The following CATSPERT variants were observed in gnomAD, a reference collection of about 807,000 sequenced individuals.
The protein encoded by CATSPERT is catsper channel auxiliary subunit tau.
the CATSPERT span, chr2:201,547,610 C>T: frequency 2.1e-6 from 3 of 1,457,878 alleles, no homozygotes; most frequent in Non-Finnish European, 2.8e-6. Flanking sequence ...TCTTTTCCAG[C>T]CTAAAGAAAG....
chr2:201,537,035 C>T, the CATSPERT span, among the ~76,000 whole-genome samples: 8 of 151,866 alleles, frequency 5.3e-5, no homozygotes, highest in African/African-American at 1.9e-4. Context: ...TATGTAAACT[C>T]TATGTTTTGT....
At chr2:201,551,249 T>C in the CATSPERT span, among the ~76,000 whole-genome samples, 1 of 152,212 alleles carries the variant, frequency 6.6e-6, no homozygotes, top group Non-Finnish European at 1.5e-5. Context: ...GTCTATTTTA[T>C]CATTTACTAC....
the CATSPERT span, among the ~76,000 whole-genome samples, chr2:201,605,242 A>G: frequency 6.6e-6 from 1 of 152,136 alleles, no homozygotes; most frequent in Non-Finnish European, 1.5e-5. Context: ...AGACAAAATC[A>G]TCCTGAGAAA....
At chr2:201,544,543 TCACACA>T in the CATSPERT span, among the ~76,000 whole-genome samples, 1 of 150,378 alleles carries the variant, frequency 6.6e-6, no homozygotes, top group Non-Finnish European at 1.5e-5. Context: ...ACTTTCTTTT[TCACACA>T]CACACACACA....
the CATSPERT span, chr2:201,493,063 T>C: frequency 1.3e-6 from 2 of 1,536,044 alleles, no homozygotes; most frequent in Non-Finnish European, 1.7e-6. Context: ...TTCTAATTCT[T>C]TTTCTGGTTG....
the CATSPERT span, among the ~76,000 whole-genome samples, chr2:201,564,080 G>C: frequency 6.6e-6 from 1 of 152,200 alleles, no homozygotes; most frequent in Non-Finnish European, 1.5e-5. Context: ...CCCCAAAAGA[G>C]AATGAGTGTC....
chr2:201,557,406 A>T, the CATSPERT span: 2 of 152,168 alleles, frequency 1.3e-5, no homozygotes, highest in Non-Finnish European at 1.5e-5. Context: ...TGCATTGGAG[A>T]TATCAGATTT....
chr2:201,519,428 A>G, the CATSPERT span, among the ~76,000 whole-genome samples: 2 of 152,226 alleles, frequency 1.3e-5, no homozygotes, highest in African/African-American at 2.4e-5. Flanking sequence ...GATATGTGAA[A>G]TCTACATAGA....
At chr2:201,559,115 C>G in the CATSPERT span, among the ~76,000 whole-genome samples, 1 of 152,212 alleles carries the variant, frequency 6.6e-6, no homozygotes, top group African/African-American at 2.4e-5. Context: ...GGCTATGCAC[C>G]CATGCTCAGG....
At chr2:201,608,651 T>C in the CATSPERT span, among the ~76,000 whole-genome samples, 2 of 151,906 alleles carry the variant, frequency 1.3e-5, no homozygotes, top group Non-Finnish European at 2.9e-5. Context: ...ACCACGTCTC[T>C]ACAAAATATA....
chr2:201,597,337 C>T, the CATSPERT span, among the ~76,000 whole-genome samples: 1 of 152,200 alleles, frequency 6.6e-6, no homozygotes, highest in African/African-American at 2.4e-5. Flanking sequence ...CTCCTGGAGG[C>T]TTACCCTGTA....
chr2:201,578,457 G>C, the CATSPERT span, among the ~76,000 whole-genome samples: 2 of 152,076 alleles, frequency 1.3e-5, no homozygotes, highest in Non-Finnish European at 2.9e-5. Context: ...AATTTTAACG[G>C]AAGTAATAAG....
the CATSPERT span, among the ~76,000 whole-genome samples, chr2:201,538,692 T>A: frequency 6.6e-6 from 1 of 152,086 alleles, no homozygotes; most frequent in Non-Finnish European, 1.5e-5. Flanking sequence ...TTAAGTTCAA[T>A]TGTACATGTG....
At chr2:201,530,721 A>T in the CATSPERT span, among the ~76,000 whole-genome samples, 2 of 152,284 alleles carry the variant, frequency 1.3e-5, no homozygotes, top group East Asian at 3.9e-4. Context: ...ACAGGCTTTT[A>T]AACTCAATTA....
chr2:201,506,122 CTG>C, the CATSPERT span, among the ~76,000 whole-genome samples: 17 of 152,076 alleles, frequency 1.1e-4, no homozygotes, highest in African/African-American at 3.9e-4. Context: ...AAAAAATTAG[CTG>C]GGGGCGGTGG....
the CATSPERT span, among the ~76,000 whole-genome samples, chr2:201,542,879 T>C: frequency 6.6e-6 from 1 of 152,176 alleles, no homozygotes; most frequent in Non-Finnish European, 1.5e-5. Flanking sequence ...TCTGTTTTTG[T>C]TTTTGTTGCC....
the CATSPERT span, among the ~76,000 whole-genome samples, chr2:201,571,150 A>C: frequency 0.055 from 8,388 of 152,354 alleles, 281 homozygotes; most frequent in African/African-American, 0.08. Context: ...TTTATTTAAT[A>C]AATGTATGAA....
chr2:201,493,907 G>T, the CATSPERT span: 3 of 1,537,134 alleles, frequency 2.0e-6, no homozygotes, highest in Non-Finnish European at 2.6e-6. Context: ...TCTGGAGATT[G>T]TCCTGGTCCA....
At chr2:201,599,382 T>C in the CATSPERT span, among the ~76,000 whole-genome samples, 1 of 152,178 alleles carries the variant, frequency 6.6e-6, no homozygotes, top group East Asian at 1.9e-4. Flanking sequence ...TTTGAAATAC[T>C]AACTACTAAC....
Sources: allele counts gnomAD v4.1 joint callset (sites outside exome capture counted in the v4.1 genomes callset), GRCh38; gene constraint gnomAD v4.1.1; transcripts MANE v1.5; gene names NCBI Gene and HGNC (gene_info 2026-07-23, HGNC 2026-07-21).